Variants in ZSCAN21 observed in about 807,000 individuals in gnomAD.
ZSCAN21 encodes zinc finger and SCAN domain-containing protein 21.
ZSCAN21 carries 26 observed loss-of-function variants against 35.6 expected under a neutral mutation model. That is an observed-to-expected ratio of 0.73 (90% CI 0.54 to 1.01). The LOEUF (loss-of-function observed/expected upper bound fraction) is 1.01, where lower values mean the gene tolerates loss of function less well. ZSCAN21 is among the 50% of genes least tolerant of loss of function. The probability of loss-of-function intolerance (pLI) is 0.00; values close to 1 mark genes in which losing one functional copy is unlikely to be tolerated. For missense variants in ZSCAN21, 593 were observed against 587.1 expected, an observed-to-expected ratio of 1.01 and a Z score of -0.10; for synonymous variants, 219 against 219.3, an observed-to-expected ratio of 1.00 and a Z score of 0.01.
In ZSCAN21 at chr7:100,057,787, A is replaced by G. The variant is rs781501524; in HGVS notation, c.489A>G (p.Pro163=). ...AGGAATCCCCGAGCAGCATGCAGCC[A>G]CAGCCCTTGGAGACCAGTCACAAAT... is the stretch of plus-strand genomic sequence containing the variant. The part of the protein sequence containing the change: ...TAKESPSSMQ[P]QPLETSHKYE... The change falls in exon 3 of 4, where the codon CCA becomes CCG. Residue 163 remains proline, a synonymous_variant. Transcript: ENST00000292450. 1 of 1,614,142 alleles carries G rather than the reference A, an allele frequency of 6.2e-7. No individual in the cohort carries two copies. The highest frequency in any genetic ancestry group is 8.5e-7 in the Non-Finnish European group (1 of 1,180,026).
chr7:100,064,086 A>C lies in ZSCAN21; in HGVS notation c.891A>C (p.Arg297Ser), dbSNP rs1015116495. 1.9e-6 allele frequency: 3 copies of C among 1,614,078 alleles called. No individual in the cohort carries two copies. In the African/African-American group the frequency reaches 4.0e-5, roughly 22 times the overall value. ...SNSSNLTKHR[R>S]THTGEKPYVC... Reference sequence around the variant, plus strand: ...GCTCAAATCTCACCAAACACAGGAGAACACACACTGGGGAGAAACCTTACG... The same window carrying C: ...GCTCAAATCTCACCAAACACAGGAGCACACACACTGGGGAGAAACCTTACG... The change falls in exon 4 of 4, where the codon AGA becomes AGC. Residue 297 changes from arginine (R) to serine (S), a missense_variant. Physicochemically the swap from Arg to Ser is moderately radical, Grantham distance 110. Transcript: ENST00000292450.
At chr7:100,056,799 G>A (rs1792089939) in intron 1 of ZSCAN21, 112 bp from the exon 2 acceptor site, 3 of 516,774 alleles carry the variant, frequency 5.8e-6, no homozygotes, top group Non-Finnish European at 1.0e-5. Context: ...GTTTTTGTAT[G>A]GTAGTTTTAT....
chr7:100,050,330 AAC>A (rs969432531), intron 1 of ZSCAN21, among the ~76,000 whole-genome samples: 1 of 152,146 alleles, frequency 6.6e-6, no homozygotes, highest in South Asian at 2.1e-4. Context: ...TTCGGGCTAG[AAC>A]ACACACACAG....
rs1036302835 is a variant in ZSCAN21 at position 100,064,875 on chromosome 7, C to CA, written c.*259dup. On this transcript the variant is annotated 3_prime_UTR_variant, in exon 4 of 4. Transcript: ENST00000292450. Reference sequence around the variant, plus strand: ...TTAGGGTCCCAGTAAGCCATGCCAGCATTACCTTTTGCGTAGTTAAACAGA... The same window carrying CA: ...TTAGGGTCCCAGTAAGCCATGCCAGCAATTACCTTTTGCGTAGTTAAACAGA... The CA allele has an allele frequency of 5.6e-6, 9 of 1,606,230 alleles. No individual in the cohort carries two copies. The African/African-American group carries it at 6.8e-5, about 12-fold the overall frequency.
chr7:100,056,896 A>G lies in ZSCAN21; in HGVS notation c.-96-15A>G. 1 of 1,150,368 alleles carries G rather than the reference A, an allele frequency of 8.7e-7. No homozygotes were observed. The highest frequency in any genetic ancestry group is 1.2e-6 in the Non-Finnish European group (1 of 831,132). The allele number at this position is 1,150,368 out of a possible 1,614,324, so 71.3% of individuals were successfully genotyped here. A position where few individuals can be genotyped will look rare whatever the true frequency, so the allele number is the denominator to read the frequency against. ...TTTTCAGTTTGATTATTTTTTGGTA[A>G]CTATATTTTCTTAGGTTTAACTTGT... On this transcript the variant is annotated splice_polypyrimidine_tract_variant and intron_variant, in intron 1 of 3. Coordinates refer to ENST00000292450, the MANE Select transcript of ZSCAN21 (RefSeq NM_145914.3).
intron 2 of ZSCAN21, 106 bp downstream of exon 2, chr7:100,057,511 C>T (rs1792121824): frequency 7.7e-6 from 11 of 1,430,536 alleles, no homozygotes; most frequent in Non-Finnish European, 9.3e-6. Flanking sequence ...GAAATTTCTG[C>T]TGAATTAGAC....
chr7:100,051,765 A>G (rs948296416), intron 1 of ZSCAN21, among the ~76,000 whole-genome samples: 3 of 151,988 alleles, frequency 2.0e-5, no homozygotes, highest in East Asian at 1.9e-4. Flanking sequence ...GATTGGCATA[A>G]AGGAGGAGGG....
intron 1 of ZSCAN21, among the ~76,000 whole-genome samples, chr7:100,053,136 A>G (rs1791946991): frequency 6.6e-6 from 1 of 151,990 alleles, no homozygotes; most frequent in Non-Finnish European, 1.5e-5. Flanking sequence ...AAAAAAAAAA[A>G]AAAAAAGAAC....
chr7:100,064,002 A>T lies in ZSCAN21; in HGVS notation c.807A>T (p.Lys269Asn). ...SKKGRESVPTKPTPGERRYIC... is the reference protein window; with the variant it reads ...SKKGRESVPTNPTPGERRYIC... ...AAGGTAGAGAATCAGTTCCTACTAA[A>T]CCTACCCCAGGAGAGAGACGTTATA... The change falls in exon 4 of 4, where the codon AAA becomes AAT. Residue 269 changes from lysine to asparagine, a missense_variant. Transcript: ENST00000292450. 1 of 1,614,152 alleles carries T rather than the reference A, an allele frequency of 6.2e-7. No individual in the cohort carries two copies. The highest frequency in any genetic ancestry group is 2.2e-5 in the East Asian group (1 of 44,890).
intron 1 of ZSCAN21, among the ~76,000 whole-genome samples, chr7:100,051,282 C>CTTGTTTTTTTTTTTTTTTT (rs1791863564): frequency 2.9e-5 from 1 of 34,946 alleles, no homozygotes; most frequent in Non-Finnish European, 5.2e-5. Context: ...TAGGGATTTT[C>CTTGTTTTTTTTTTTTTTTT]TTTTTTTTTT....
intron 1 of ZSCAN21, among the ~76,000 whole-genome samples, chr7:100,053,125 C>CAAAAA (rs1026582023): frequency 1.3e-5 from 1 of 75,780 alleles, no homozygotes; most frequent in East Asian, 3.6e-4. Flanking sequence ...GACTCCATCT[C>CAAAAA]AAAAAAAAAA....
rs1792093347 is a variant in ZSCAN21 at position 100,056,954 on chromosome 7, AT to A, written c.-52del. The stretch of plus-strand genomic sequence containing the variant: ...AAGAACTGGAAACCCAAAGGAACGA[AT>A]ATTCCTGCCCCACAGAGTCCCATCT... On this transcript the variant is annotated 5_prime_UTR_variant, in exon 2 of 4. Coordinates refer to ENST00000292450, the MANE Select transcript of ZSCAN21 (RefSeq NM_145914.3). 5 of 1,498,532 alleles carry A rather than the reference AT, an allele frequency of 3.3e-6. No homozygotes were observed. Among genetic ancestry groups the A allele is most frequent in the Non-Finnish European group, 4.5e-6 (5 of 1,122,412 alleles). 92.8% of individuals were successfully genotyped at this position (1,498,532 alleles called of 1,614,324 possible).
intron 3 of ZSCAN21, among the ~76,000 whole-genome samples, chr7:100,059,973 G>A (rs1009747068): frequency 2.6e-5 from 4 of 152,180 alleles, no homozygotes; most frequent in Non-Finnish European, 5.9e-5. Flanking sequence ...CTCCCAAAGT[G>A]CTGGGATTAC....
At chr7:100,049,886 G>C (rs1368018095) in intron 1 of ZSCAN21, 45 bp downstream of exon 1, 2 of 152,598 alleles carry the variant, frequency 1.3e-5, no homozygotes, top group Admixed American at 1.3e-4. Context: ...AGGAGAGGGA[G>C]CCGTGGCTGA....
At chr7:100,052,338 A>G (rs1295942175) in intron 1 of ZSCAN21, among the ~76,000 whole-genome samples, 1 of 152,068 alleles carries the variant, frequency 6.6e-6, no homozygotes, top group Non-Finnish European at 1.5e-5. Context: ...CCAAGGCAAG[A>G]AGATGGCTTG....
chr7:100,063,663 A>G (rs1246774449), intron 3 of ZSCAN21, 125 bp from the exon 4 acceptor site: 1 of 833,412 alleles, frequency 1.2e-6, no homozygotes, highest in African/African-American at 1.7e-5. Context: ...ATGCGCTATC[A>G]TGAGCTCTGT....
chr7:100,052,196 G>T (rs979709251), intron 1 of ZSCAN21, among the ~76,000 whole-genome samples: 7 of 152,116 alleles, frequency 4.6e-5, no homozygotes, highest in African/African-American at 1.7e-4. Flanking sequence ...GTTCAACGCT[G>T]CAGTGAGCTG....
At chr7:100,052,806 C>A (rs59261051) in intron 1 of ZSCAN21, among the ~76,000 whole-genome samples, 1 of 151,844 alleles carries the variant, frequency 6.6e-6, no homozygotes, top group Non-Finnish European at 1.5e-5. Flanking sequence ...AGTCTTTATG[C>A]ATTGTACATT....
At chr7:100,061,634 T>G (rs902287076) in intron 3 of ZSCAN21, among the ~76,000 whole-genome samples, 2 of 152,046 alleles carry the variant, frequency 1.3e-5, no homozygotes, top group Non-Finnish European at 2.9e-5. Context: ...TTATGGAGAG[T>G]GTGAAGGACT....
Sources: allele counts gnomAD v4.1 joint callset (sites outside exome capture counted in the v4.1 genomes callset), GRCh38; gene constraint gnomAD v4.1.1; transcripts MANE v1.5; gene names NCBI Gene and HGNC (gene_info 2026-07-23, HGNC 2026-07-21).